NAV2: variants seen among roughly 807,000 people sequenced by gnomAD.
NAV2 encodes the protein helicase, APC down-regulated 1.
NAV2 carries 54 observed loss-of-function variants against 223.2 expected under a neutral mutation model. The ratio of observed to expected loss-of-function variants is 0.24; its 90% CI spans 0.19 to 0.30. The LOEUF (loss-of-function observed/expected upper bound fraction) is 0.30. NAV2 is among the 10% of genes least tolerant of loss of function. The pLI is 1.00. For missense variants in NAV2, 2,806 were observed against 3,147.5 expected, an observed-to-expected ratio of 0.89 and a Z score of 2.60; for synonymous variants, 1,279 against 1,239.3, an observed-to-expected ratio of 1.03 and a Z score of -0.67.
intron 1 of NAV2, among the ~76,000 whole-genome samples, chr11:19,595,846 G>A (rs749617078): frequency 2.6e-5 from 4 of 151,284 alleles, no homozygotes; most frequent in Non-Finnish European, 5.9e-5. Context: ...ACAGGCATAA[G>A]CCACCATGCC....
At chr11:19,813,288 G>A (rs1477005128) in intron 1 of NAV2, among the ~76,000 whole-genome samples, 1 of 152,144 alleles carries the variant, frequency 6.6e-6, no homozygotes, top group Non-Finnish European at 1.5e-5. Flanking sequence ...AAGCATGTAA[G>A]GTTTTGCTCT....
chr11:19,397,646 AT>A (rs1271135067), intron 1 of NAV2, among the ~76,000 whole-genome samples: 2 of 152,156 alleles, frequency 1.3e-5, no homozygotes, highest in African/African-American at 4.8e-5. Context: ...TTATAATGAA[AT>A]ATAGGTTAAA....
chr11:19,986,228 T>C (rs1411504837), intron 11 of NAV2, among the ~76,000 whole-genome samples: 6 of 152,184 alleles, frequency 3.9e-5, no homozygotes, highest in Non-Finnish European at 8.8e-5. Context: ...GTAGCACTTG[T>C]TAGGTTGTTT....
intron 32 of NAV2, among the ~76,000 whole-genome samples, chr11:20,102,518 T>G (rs151065109): frequency 2.2e-4 from 34 of 152,274 alleles, no homozygotes; most frequent in African/African-American, 7.2e-4. Flanking sequence ...AGTACTCACC[T>G]TCTAGGTTAT....
At chr11:19,612,441 T>C (rs894874117) in intron 1 of NAV2, among the ~76,000 whole-genome samples, 3 of 152,246 alleles carry the variant, frequency 2.0e-5, no homozygotes, top group African/African-American at 7.2e-5. Flanking sequence ...CAAACTTTTA[T>C]GCTCTGCTTC....
intron 1 of NAV2, among the ~76,000 whole-genome samples, chr11:19,718,562 A>G (rs567673495): frequency 1.9e-4 from 29 of 152,304 alleles, no homozygotes; most frequent in African/African-American, 5.8e-4. Context: ...TTTTGATTAG[A>G]ATCCTTGCTC....
intron 1 of NAV2, among the ~76,000 whole-genome samples, chr11:19,626,116 A>G (rs541832235): frequency 2.6e-5 from 4 of 152,234 alleles, no homozygotes; most frequent in Non-Finnish European, 4.4e-5. Flanking sequence ...TCCAATACCA[A>G]CATCCTGAAG....
chr11:19,786,946 T>C (rs2057160695), intron 1 of NAV2, among the ~76,000 whole-genome samples: 1 of 152,076 alleles, frequency 6.6e-6, no homozygotes, highest in South Asian at 2.1e-4. Flanking sequence ...TTGAAGGCTG[T>C]AGTGTGCTGT....
chr11:19,829,373 A>T (rs2059811660), intron 1 of NAV2, among the ~76,000 whole-genome samples: 1 of 152,152 alleles, frequency 6.6e-6, no homozygotes, highest in Non-Finnish European at 1.5e-5. Flanking sequence ...CAGGTAGGGG[A>T]TATTCCAGAC....
chr11:19,615,246 C>T (rs1232029380), intron 1 of NAV2, among the ~76,000 whole-genome samples: 1 of 151,498 alleles, frequency 6.6e-6, no homozygotes, highest in Non-Finnish European at 1.5e-5. Context: ...TATATAATGA[C>T]CAGAGTTTTT....
intron 1 of NAV2, among the ~76,000 whole-genome samples, chr11:19,648,005 G>A (rs971734870): frequency 6.6e-6 from 1 of 152,146 alleles, no homozygotes. Context: ...CATTGATGTG[G>A]GACAGGCTTC....
At chr11:20,040,465 A>G (rs191294329) in intron 12 of NAV2, among the ~76,000 whole-genome samples, 30 of 152,340 alleles carry the variant, frequency 2.0e-4, no homozygotes, top group Non-Finnish European at 4.4e-5. Flanking sequence ...TAATAAGTTC[A>G]GATAAGTAGG....
intron 1 of NAV2, among the ~76,000 whole-genome samples, chr11:19,531,376 C>T (rs528404581): frequency 9.2e-5 from 14 of 152,176 alleles, no homozygotes; most frequent in Middle Eastern, 3.4e-3. Context: ...GAGCCAAGAC[C>T]GTAGGTAGTC....
At chr11:19,438,216 T>G (rs1851278521) in intron 1 of NAV2, among the ~76,000 whole-genome samples, 2 of 152,218 alleles carry the variant, frequency 1.3e-5, no homozygotes, top group Non-Finnish European at 1.5e-5. Context: ...GTACTCTCCA[T>G]GGACTGTCTT....
chr11:20,077,650 A>C lies in NAV2; in HGVS notation c.5067+15A>C. 2 of 1,603,038 alleles carry C rather than the reference A, an allele frequency of 1.2e-6. No homozygotes were observed. Among genetic ancestry groups the C allele is most frequent in the South Asian group, 2.2e-5 (2 of 90,808 alleles). On this transcript the variant is annotated intron_variant, in intron 23 of 37. Coordinates refer to ENST00000349880, the MANE Select transcript of NAV2 (RefSeq NM_145117.5). ...CTGAGCAGAAGGTAAGGCAGAAAGG[A>C]TACTTTAACCCTCCCTACTTGGAGT...
intron 1 of NAV2, among the ~76,000 whole-genome samples, chr11:19,599,215 C>G (rs1443361159): frequency 6.6e-6 from 1 of 152,208 alleles, no homozygotes; most frequent in African/African-American, 2.4e-5. Flanking sequence ...ACTGCTGAGC[C>G]AGTAATTTGC....
chr11:20,073,408 T>C (rs2059527577), intron 22 of NAV2, among the ~76,000 whole-genome samples: 1 of 152,220 alleles, frequency 6.6e-6, no homozygotes, highest in African/African-American at 2.4e-5. Context: ...TTTTTTGTTT[T>C]GTCTTTGCCA....
rs149597213 is a variant in NAV2 at position 20,048,693 on chromosome 11, G to T, written c.3903-35G>T. ...ACAGTCCGGTGCCCCTTGGCACTGG[G>T]TGTTCAACCTACACAACCCTTTGTC... On this transcript the variant is annotated intron_variant, in intron 14 of 37. Transcript: ENST00000349880. The T allele has an allele frequency of 3.8e-6, 6 of 1,580,744 alleles. No individual in the cohort carries two copies. In the Admixed American group the frequency reaches 5.0e-5, roughly 13 times the overall value.
chr11:19,974,835 C>A (rs1218321037), intron 10 of NAV2, among the ~76,000 whole-genome samples: 2 of 152,194 alleles, frequency 1.3e-5, no homozygotes, highest in African/African-American at 4.8e-5. Flanking sequence ...TCTGTAATTT[C>A]TGTACAGTGT....
Sources: gnomAD v4.1 joint callset for allele counts (sites outside exome capture counted in the v4.1 genomes callset) on GRCh38, gnomAD v4.1.1 for gene constraint, MANE v1.5 for transcripts, NCBI Gene and HGNC (gene_info 2026-07-23, HGNC 2026-07-21) for gene names.